NRG3: variants seen among roughly 807,000 people sequenced by gnomAD.
NRG3 encodes neuregulin 3.
A neutral mutation model predicts 66.9 loss-of-function variants in NRG3; 31 were observed. The ratio of observed to expected loss-of-function variants is 0.46; its 90% confidence interval spans 0.35 to 0.63. NRG3 has a LOEUF of 0.63. NRG3 is among the 20% of genes least tolerant of loss of function. The pLI, the probability that NRG3 is intolerant of heterozygous loss-of-function variation, is 0.00. For synonymous variants in NRG3, 393 were observed against 359.4 expected, an observed-to-expected ratio of 1.09 and a Z score of -1.06; for missense variants, 910 against 878.9, an observed-to-expected ratio of 1.04 and a Z score of -0.45.
intron 1 of NRG3, among the ~76,000 whole-genome samples, chr10:82,150,793 C>T (rs2070687789): frequency 6.6e-6 from 1 of 152,110 alleles, no homozygotes; most frequent in Non-Finnish European, 1.5e-5. Flanking sequence ...TAGAGCTACT[C>T]TTTGATTACA....
intron 1 of NRG3, among the ~76,000 whole-genome samples, chr10:82,337,507 T>G (rs1216763394): frequency 6.6e-6 from 1 of 152,336 alleles, no homozygotes; most frequent in African/African-American, 2.4e-5. Context: ...TTCTCTTATG[T>G]GAGGAGTGGA....
chr10:82,281,821 TG>T, intron 1 of NRG3, among the ~76,000 whole-genome samples: 1 of 152,104 alleles, frequency 6.6e-6, no homozygotes, highest in South Asian at 2.1e-4. Flanking sequence ...TGTCAGGTTT[TG>T]TTTGTTTGTT....
intron 1 of NRG3, among the ~76,000 whole-genome samples, chr10:82,136,896 CAT>C (rs1360404521): frequency 6.6e-6 from 1 of 152,202 alleles, no homozygotes; most frequent in Non-Finnish European, 1.5e-5. Context: ...CTTTCAAACA[CAT>C]AGATTCTTCA....
chr10:82,164,069 C>A (rs564024928), intron 1 of NRG3, among the ~76,000 whole-genome samples: 1 of 151,934 alleles, frequency 6.6e-6, no homozygotes, highest in Admixed American at 6.6e-5. Flanking sequence ...TACAGGCATG[C>A]ACCACCATGT....
intron 3 of NRG3, among the ~76,000 whole-genome samples, chr10:82,838,268 T>C (rs1030151845): frequency 6.6e-6 from 1 of 152,024 alleles, no homozygotes; most frequent in Non-Finnish European, 1.5e-5. Context: ...TCAGTAGAGG[T>C]TCAGTAATGG....
intron 2 of NRG3, among the ~76,000 whole-genome samples, chr10:82,591,177 A>T (rs542292182): frequency 1.3e-5 from 2 of 152,264 alleles, no homozygotes; most frequent in East Asian, 3.9e-4. Flanking sequence ...TGAGTTCTTA[A>T]AGCCTAGAAG....
At chr10:82,070,756 T>C (rs563262704) in intron 1 of NRG3, among the ~76,000 whole-genome samples, 2 of 152,294 alleles carry the variant, frequency 1.3e-5, no homozygotes, top group African/African-American at 2.4e-5. Flanking sequence ...CATTTCAATC[T>C]TGTTGGTGTT....
chr10:81,880,877 G>A (rs575966737), intron 1 of NRG3, among the ~76,000 whole-genome samples: 4 of 152,206 alleles, frequency 2.6e-5, no homozygotes, highest in South Asian at 2.1e-4. Flanking sequence ...CTGGTACTGC[G>A]TTGACAAATA....
chr10:82,701,233 G>T (rs566799426), intron 2 of NRG3, among the ~76,000 whole-genome samples: 1 of 152,186 alleles, frequency 6.6e-6, no homozygotes, highest in African/African-American at 2.4e-5. Context: ...TTCTTCCCTT[G>T]TCGGTTTCTT....
intron 4 of NRG3, among the ~76,000 whole-genome samples, chr10:82,909,297 T>C (rs1457261946): frequency 3.3e-5 from 5 of 152,224 alleles, no homozygotes; most frequent in Admixed American, 3.3e-4. Context: ...ATAATGAATC[T>C]TATGAGCAGT....
At chr10:82,774,619 G>A (rs2059828325) in intron 3 of NRG3, among the ~76,000 whole-genome samples, 1 of 151,272 alleles carries the variant, frequency 6.6e-6, no homozygotes, top group African/African-American at 2.4e-5. Context: ...CTGTTATAAG[G>A]TCTTCACTTT....
chr10:82,398,887 T>G (rs201992911), intron 2 of NRG3, among the ~76,000 whole-genome samples: 1 of 152,076 alleles, frequency 6.6e-6, no homozygotes, highest in East Asian at 1.9e-4. Flanking sequence ...ATGAAGGCAT[T>G]CCTCCTACTG....
chr10:82,698,434 A>T (rs1299468152), intron 2 of NRG3, among the ~76,000 whole-genome samples: 3 of 152,224 alleles, frequency 2.0e-5, no homozygotes, highest in Non-Finnish European at 4.4e-5. Context: ...TGCTTTAAAT[A>T]ATCCAAAAGA....
rs374809715 is a variant in NRG3 at position 82,448,921 on chromosome 10, C to T, written c.953+90053C>T. 4.6e-5 allele frequency among the ~76,000 whole-genome samples: 7 copies of T among 152,268 alleles called. No individual in the cohort carries two copies. The East Asian group carries it at 1.4e-3, about 29-fold the overall frequency. ...ACTCTATTATAAACTCCAGTGCCTG[C>T]TCTGAAAGTTAACTGTCAAGTCTTA... On this transcript the variant is annotated intron_variant, in intron 2 of 8. Transcript: ENST00000372141.
intron 2 of NRG3, among the ~76,000 whole-genome samples, chr10:82,552,985 T>A (rs2132911385): frequency 6.6e-6 from 1 of 151,962 alleles, no homozygotes; most frequent in South Asian, 2.1e-4. Flanking sequence ...CCAGTCCCGG[T>A]GGCAAATCTG....
At chr10:81,977,256 A>G (rs1057175810) in intron 1 of NRG3, among the ~76,000 whole-genome samples, 2 of 152,080 alleles carry the variant, frequency 1.3e-5, no homozygotes, top group African/African-American at 2.4e-5. Context: ...TAGGGTAGCT[A>G]TTTATTTAAT....
intron 3 of NRG3, among the ~76,000 whole-genome samples, chr10:82,849,719 G>A (rs1196158290): frequency 6.6e-6 from 1 of 152,156 alleles, no homozygotes. Context: ...GAAGAAGAAT[G>A]TATTTTGGTT....
At chr10:82,086,753 G>A (rs1374151159) in intron 1 of NRG3, among the ~76,000 whole-genome samples, 4 of 152,032 alleles carry the variant, frequency 2.6e-5, no homozygotes, top group African/African-American at 4.8e-5. Flanking sequence ...ATGAAATTAG[G>A]GTGAGATATT....
intron 2 of NRG3, among the ~76,000 whole-genome samples, chr10:82,568,205 A>G (rs1364227903): frequency 6.6e-6 from 1 of 151,886 alleles, no homozygotes; most frequent in East Asian, 1.9e-4. Flanking sequence ...ATAAGGAATA[A>G]AGAGGCAAAG....
Sources: gnomAD v4.1 joint callset for allele counts (sites outside exome capture counted in the v4.1 genomes callset) on GRCh38, gnomAD v4.1.1 for gene constraint, MANE v1.5 for transcripts, NCBI Gene and HGNC (gene_info 2026-07-23, HGNC 2026-07-21) for gene names.